IHO1: variants seen among roughly 807,000 people sequenced by gnomAD.
IHO1 encodes interactor of HORMAD1 protein 1.
Under a neutral mutation model 31.0 loss-of-function variants are expected in IHO1, and 13 were observed. The ratio of observed to expected loss-of-function variants is 0.42; its 90% CI spans 0.27 to 0.67. The LOEUF is 0.67. IHO1 is among the 30% of genes least tolerant of loss of function. The probability of loss-of-function intolerance (pLI) is 0.24; values close to 1 mark genes in which losing one functional copy is unlikely to be tolerated. For synonymous variants in IHO1, 221 were observed against 248.4 expected (o/e 0.89, Z 1.04); for missense variants, 599 against 687.5 (o/e 0.87, Z 1.44).
At chr3:49,192,417 A>G in the IHO1 span, among the ~76,000 whole-genome samples, 1 of 152,190 alleles carries the variant, frequency 6.6e-6, no homozygotes, top group Admixed American at 6.5e-5. Context: ...TCTTATTTGT[A>G]AAAGAGGGAC....
At chr3:49,200,205 TGGCTCAC>T (rs2046034770) in intron 1 of IHO1, among the ~76,000 whole-genome samples, 1 of 151,966 alleles carries the variant, frequency 6.6e-6, no homozygotes. Flanking sequence ...CCGGCTGCGG[TGGCTCAC>T]GCCACACTTT....
chr3:49,192,133 C>G, the IHO1 span, among the ~76,000 whole-genome samples: 1 of 152,042 alleles, frequency 6.6e-6, no homozygotes, highest in Non-Finnish European at 1.5e-5. Context: ...ATCCATACTG[C>G]CAGGAATATA....
intron 2 of IHO1, among the ~76,000 whole-genome samples, chr3:49,227,281 C>T (rs1181136504): frequency 6.6e-6 from 1 of 152,168 alleles, no homozygotes; most frequent in Admixed American, 6.5e-5. Flanking sequence ...AAAAAATGAG[C>T]CACCACTTTT....
intron 2 of IHO1, among the ~76,000 whole-genome samples, chr3:49,219,152 GCC>G (rs1056993440): frequency 3.3e-5 from 5 of 152,114 alleles, no homozygotes; most frequent in African/African-American, 1.2e-4. Flanking sequence ...TTGGGAACAG[GCC>G]CCCAAGTCTG....
In IHO1 at chr3:49,211,760, T is replaced by C; in HGVS notation, c.-15-6T>C. On this transcript the variant is annotated splice_polypyrimidine_tract_variant and splice_region_variant and intron_variant, in intron 1 of 7. Transcript: ENST00000452691. The stretch of plus-strand genomic sequence containing the variant: ...TTTCTTAATATTCACCTATTCTTTC[T>C]AATAGGTATAACTATAAGAAATGAA... 7.7e-7 allele frequency: 1 copy of C among 1,295,250 alleles called. No homozygotes were observed. The highest frequency in any genetic ancestry group is 1.1e-6 in the Non-Finnish European group (1 of 894,454). 80.2% of individuals were successfully genotyped at this position (1,295,250 alleles called of 1,614,324 possible). A position where few individuals can be genotyped will look rare whatever the true frequency, so the allele number is the denominator to read the frequency against.
chr3:49,245,000 G>A (rs2046677045), intron 6 of IHO1: 1 of 585,178 alleles, frequency 1.7e-6, no homozygotes, highest in Non-Finnish European at 3.1e-6. Context: ...AGGGCAGGTA[G>A]CTCTGCTAGG....
At chr3:49,197,921 A>G (rs1481450528), upstream of IHO1, among the ~76,000 whole-genome samples, 2 of 151,908 alleles carry the variant, frequency 1.3e-5, no homozygotes, top group Admixed American at 6.6e-5. Flanking sequence ...AAATATGTTC[A>G]TCACCCCAAG....
intron 3 of IHO1, 141 bp from the exon 4 acceptor site, chr3:49,241,085 G>A: frequency 1.9e-6 from 1 of 514,408 alleles, no homozygotes; most frequent in South Asian, 6.1e-5. Flanking sequence ...TGTATACAAA[G>A]ATAAAATGGA....
chr3:49,255,161 C>G (rs1245619382), intron 6 of IHO1, among the ~76,000 whole-genome samples: 1 of 152,094 alleles, frequency 6.6e-6, no homozygotes, highest in East Asian at 1.9e-4. Flanking sequence ...GCCACAGAAG[C>G]TTTTGTGCTG....
At chr3:49,206,271 T>C (rs2107681378) in intron 1 of IHO1, among the ~76,000 whole-genome samples, 1 of 150,972 alleles carries the variant, frequency 6.6e-6, no homozygotes, top group South Asian at 2.1e-4. Flanking sequence ...GCAATTTTTG[T>C]ATTTTTAGTA....
intron 2 of IHO1, among the ~76,000 whole-genome samples, chr3:49,223,286 A>G (rs1010722681): frequency 6.6e-6 from 1 of 151,960 alleles, no homozygotes; most frequent in African/African-American, 2.4e-5. Flanking sequence ...GTGCTTTTTG[A>G]GTGTTTCATT....
In IHO1 at chr3:49,241,404, C is replaced by A; in HGVS notation, c.395+15C>A. The stretch of plus-strand genomic sequence containing the variant: ...AAATGTGACAGGTATGTAAACCTTT[C>A]AAATGGATGAAAGAACTCACCTTTT... On this transcript the variant is annotated intron_variant, in intron 4 of 7. Transcript: ENST00000452691. The A allele has an allele frequency of 2.5e-6, 4 of 1,579,582 alleles. No individual in the cohort carries two copies. Among genetic ancestry groups the A allele is most frequent in the South Asian group, 1.2e-5 (1 of 85,816 alleles).
rs2046811832 is a variant in IHO1, at chr3:49,255,506, C to T, written c.636+13C>T. ...AAGATTTGAAGCTGTAAGTGTAAACCCCAACCTCTTTCTAAGTGTGTTTTG... is the reference window on the plus strand; with the variant it reads ...AAGATTTGAAGCTGTAAGTGTAAACTCCAACCTCTTTCTAAGTGTGTTTTG... On this transcript the variant is annotated intron_variant, in intron 7 of 7. Transcript: ENST00000452691. The T allele has an allele frequency of 6.5e-7, 1 of 1,543,222 alleles. No individual in the cohort carries two copies. Among genetic ancestry groups the T allele is most frequent in the Non-Finnish European group, 8.8e-7 (1 of 1,140,578 alleles).
At chr3:49,249,710 G>T (rs1475339409) in intron 6 of IHO1, among the ~76,000 whole-genome samples, 2 of 152,180 alleles carry the variant, frequency 1.3e-5, no homozygotes, top group Non-Finnish European at 2.9e-5. Context: ...CAACAAAAAG[G>T]TGCTCTTCGC....
intron 2 of IHO1, chr3:49,213,930 G>A (rs761505975): frequency 2.4e-6 from 1 of 411,634 alleles, no homozygotes; most frequent in South Asian, 1.7e-5. Flanking sequence ...CATGGCCAGA[G>A]TGGACGCCAA....
intron 2 of IHO1, among the ~76,000 whole-genome samples, chr3:49,224,450 G>A (rs943415131): frequency 6.6e-6 from 1 of 152,232 alleles, no homozygotes; most frequent in South Asian, 2.1e-4. Context: ...TTTAATGGGG[G>A]TTCTTCCCAG....
intron 2 of IHO1, among the ~76,000 whole-genome samples, chr3:49,222,983 A>G (rs766113751): frequency 6.6e-6 from 1 of 152,206 alleles, no homozygotes; most frequent in Non-Finnish European, 1.5e-5. Context: ...GGTAGATGGG[A>G]GAGATTTGAC....
rs575655012 is a variant in IHO1, at chr3:49,206,565, G to A, written c.-15-5201G>A. Among the ~76,000 whole-genome samples, 5 of 152,312 alleles carry A rather than the reference G, an allele frequency of 3.3e-5. No individual in the cohort carries two copies. In the South Asian group the frequency reaches 1.0e-3, roughly 32 times the overall value. ...TTAATTGCCATCTTGGATTTGGCGG[G>A]TTTTGAACAGCTACTTTCTTGCATT... On this transcript the variant is annotated intron_variant, in intron 1 of 7. Transcript: ENST00000452691.
intron 6 of IHO1, 174 bp downstream of exon 6, chr3:49,244,907 G>A: frequency 1.5e-6 from 1 of 679,698 alleles, no homozygotes; most frequent in Non-Finnish European, 2.7e-6. Context: ...TGGGTAGTGA[G>A]GCCCACCTCT....
Sources: gnomAD v4.1 joint callset for allele counts (sites outside exome capture counted in the v4.1 genomes callset) on GRCh38, gnomAD v4.1.1 for gene constraint, MANE v1.5 for transcripts, NCBI Gene and HGNC (gene_info 2026-07-23, HGNC 2026-07-21) for gene names.